Variants in CSMD3 observed in about 807,000 individuals in gnomAD.
CSMD3 encodes CUB and Sushi multiple domains 3.
CSMD3 carries 177 observed loss-of-function variants against 435.2 expected under a neutral mutation model. The ratio of observed to expected loss-of-function variants is 0.41; its 90% confidence interval spans 0.36 to 0.46. The LOEUF is 0.46. CSMD3 is among the 20% of genes least tolerant of loss of function. The probability of loss-of-function intolerance (pLI) is 0.34; values close to 1 mark genes in which losing one functional copy is unlikely to be tolerated. For missense variants in CSMD3, 4,265 were observed against 4,504.6 expected (o/e 0.95, Z 1.52); for synonymous variants, 1,656 against 1,520.5 (o/e 1.09, Z -2.07).
intron 1 of CSMD3, among the ~76,000 whole-genome samples, chr8:113,334,950 T>C (rs141842360): frequency 6.6e-6 from 1 of 152,122 alleles, no homozygotes; most frequent in Admixed American, 6.6e-5. Context: ...GGTTTGGATC[T>C]ATGTCCTCAC....
intron 13 of CSMD3, among the ~76,000 whole-genome samples, chr8:112,771,808 CA>C (rs2078122930): frequency 6.6e-6 from 1 of 151,920 alleles, no homozygotes; most frequent in African/African-American, 2.4e-5. Flanking sequence ...AAACCATAAA[CA>C]TTGTTCATGA....
At chr8:112,884,012 T>A (rs1173116401) in intron 10 of CSMD3, among the ~76,000 whole-genome samples, 2 of 151,932 alleles carry the variant, frequency 1.3e-5, no homozygotes, top group African/African-American at 2.4e-5. Context: ...TCTGTCTGCA[T>A]CACCAGTAAG....
chr8:113,109,470 A>G (rs891261699), intron 4 of CSMD3, among the ~76,000 whole-genome samples: 5 of 152,270 alleles, frequency 3.3e-5, no homozygotes, highest in Non-Finnish European at 5.9e-5. Context: ...TAGGATAGAC[A>G]TTCCCATTCC....
At chr8:113,140,726 A>C (rs923221054) in intron 4 of CSMD3, among the ~76,000 whole-genome samples, 2 of 151,032 alleles carry the variant, frequency 1.3e-5, no homozygotes, top group Non-Finnish European at 3.0e-5. Flanking sequence ...AAATGTAAAA[A>C]CAATCTAAGA....
chr8:112,713,422 C>A (rs1393632584), intron 13 of CSMD3, among the ~76,000 whole-genome samples: 2 of 149,652 alleles, frequency 1.3e-5, no homozygotes, highest in African/African-American at 4.9e-5. Flanking sequence ...AAATATGGGA[C>A]TATGTAAAAA....
At chr8:112,727,552 T>C (rs1422718301) in intron 13 of CSMD3, among the ~76,000 whole-genome samples, 3 of 151,834 alleles carry the variant, frequency 2.0e-5, no homozygotes, top group African/African-American at 7.2e-5. Flanking sequence ...TTAAATGGCA[T>C]AATTTTCTTT....
intron 27 of CSMD3, among the ~76,000 whole-genome samples, chr8:112,519,840 A>G (rs554866062): frequency 5.9e-5 from 9 of 152,242 alleles, no homozygotes; most frequent in African/African-American, 2.2e-4. Flanking sequence ...TATCCAAGGG[A>G]CATTTTTGAA....
rs79036543 is a variant in CSMD3, at chr8:112,622,118, T to G, written c.3715+14699A>C. ...ATTTGCGTCTGAATTGAAGATGTCT[T>G]AATTTATTCCAGGAATTGGGATCTT... On this transcript the variant is annotated intron_variant, in intron 22 of 70. Coordinates refer to ENST00000297405, the MANE Select transcript of CSMD3 (RefSeq NM_198123.2). Among the ~76,000 whole-genome samples the G allele has an allele frequency of 6.9e-3, 1,052 of 152,314 alleles. 10 individuals carry two copies. Among genetic ancestry groups the G allele is most frequent in the African/African-American group, 0.024 (1,014 of 41,576 alleles).
chr8:113,395,334 G>A (rs1185344210), intron 1 of CSMD3, among the ~76,000 whole-genome samples: 2 of 152,042 alleles, frequency 1.3e-5, no homozygotes, highest in Non-Finnish European at 2.9e-5. Flanking sequence ...AAGGCCGGAC[G>A]CGGTGGCTCA....
At chr8:112,265,995 C>A (rs1439032458) in intron 59 of CSMD3, among the ~76,000 whole-genome samples, 1 of 152,052 alleles carries the variant, frequency 6.6e-6, no homozygotes, top group Non-Finnish European at 1.5e-5. Flanking sequence ...ATCAGGCATG[C>A]TGGATGGAGA....
At chr8:112,953,509 T>C (rs1018715878) in intron 8 of CSMD3, among the ~76,000 whole-genome samples, 2 of 151,502 alleles carry the variant, frequency 1.3e-5, no homozygotes, top group African/African-American at 4.8e-5. Flanking sequence ...TTTAGTGCTT[T>C]TGAAACAGGT....
At chr8:112,929,067 T>G (rs1347558436) in intron 9 of CSMD3, among the ~76,000 whole-genome samples, 10 of 149,918 alleles carry the variant, frequency 6.7e-5, no homozygotes. Context: ...CATGTGTTTT[T>G]TGGCTGCATA....
At chr8:112,875,609 G>C (rs2081260401) in intron 10 of CSMD3, among the ~76,000 whole-genome samples, 1 of 152,062 alleles carries the variant, frequency 6.6e-6, no homozygotes, top group Non-Finnish European at 1.5e-5. Context: ...TGGAGGCTTT[G>C]TTCATTCCTT....
At chr8:112,620,587 T>C (rs1833991607) in intron 22 of CSMD3, among the ~76,000 whole-genome samples, 1 of 152,078 alleles carries the variant, frequency 6.6e-6, no homozygotes, top group Non-Finnish European at 1.5e-5. Flanking sequence ...CTAAACCAGT[T>C]CCTGTTTTCA....
intron 1 of CSMD3, among the ~76,000 whole-genome samples, chr8:113,424,832 A>G (rs1198477068): frequency 6.6e-6 from 1 of 151,590 alleles, no homozygotes; most frequent in Non-Finnish European, 1.5e-5. Flanking sequence ...GTAGAATGTT[A>G]TATTTACCTG....
chr8:112,578,822 C>T (rs1830134695), intron 23 of CSMD3, among the ~76,000 whole-genome samples: 1 of 151,966 alleles, frequency 6.6e-6, no homozygotes, highest in South Asian at 2.1e-4. Context: ...ATGGACATGG[C>T]TTTCTCCCAA....
intron 11 of CSMD3, among the ~76,000 whole-genome samples, chr8:112,841,781 A>G (rs902959274): frequency 6.6e-6 from 1 of 151,820 alleles, no homozygotes; most frequent in Non-Finnish European, 1.5e-5. Flanking sequence ...AGCAGGAAAA[A>G]AAAAGGTGGA....
At chr8:112,654,666 A>C (rs776467209) in intron 18 of CSMD3, among the ~76,000 whole-genome samples, 3 of 152,200 alleles carry the variant, frequency 2.0e-5, no homozygotes, top group Non-Finnish European at 4.4e-5. Flanking sequence ...AGAAATGTAA[A>C]GGCTATCATT....
intron 1 of CSMD3, among the ~76,000 whole-genome samples, chr8:113,407,324 T>C (rs914525420): frequency 1.3e-5 from 2 of 152,154 alleles, no homozygotes; most frequent in Non-Finnish European, 2.9e-5. Context: ...CATCAACACA[T>C]GTCTTTTGAA....
Sources: allele counts gnomAD v4.1 joint callset (sites outside exome capture counted in the v4.1 genomes callset), GRCh38; gene constraint gnomAD v4.1.1; transcripts MANE v1.5; gene names NCBI Gene and HGNC (gene_info 2026-07-23, HGNC 2026-07-21).